The following STX3 variants were observed in gnomAD, a reference collection of about 807,000 sequenced individuals.
The protein encoded by STX3 is syntaxin 3, also known as syntaxin-3.
A neutral mutation model predicts 40.2 loss-of-function variants in STX3; 19 were observed. The observed-to-expected ratio is 0.47, with a 90% CI of 0.33 to 0.69. The LOEUF is 0.69. Ranked by LOEUF, STX3 falls within the 30% of genes least tolerant of loss-of-function variation. The probability of loss-of-function intolerance (pLI) is 0.02; values close to 1 mark genes in which losing one functional copy is unlikely to be tolerated. For missense variants in STX3, 364 were observed against 366.7 expected, an observed-to-expected ratio of 0.99 and a Z score of 0.06; for synonymous variants, 122 against 132.2, an observed-to-expected ratio of 0.92 and a Z score of 0.53.
At chr11:59,759,894 C>T (rs774410984) in intron 1 of STX3, among the ~76,000 whole-genome samples, 3 of 152,166 alleles carry the variant, frequency 2.0e-5, no homozygotes, top group Non-Finnish European at 4.4e-5. Flanking sequence ...TTTATCGAGC[C>T]GCTTTTATGT....
chr11:59,757,667 C>T (rs1042557394), intron 1 of STX3, among the ~76,000 whole-genome samples: 4 of 152,160 alleles, frequency 2.6e-5, no homozygotes, highest in Non-Finnish European at 5.9e-5. Flanking sequence ...TCTGTAGCGT[C>T]TTGGAGCAGA....
chr11:59,800,663 T>TC, intron 10 of STX3, 192 bp from the exon 11 acceptor site: 1 of 985,400 alleles, frequency 1.0e-6, no homozygotes, highest in Non-Finnish European at 1.2e-6. Context: ...TCTATTTTTT[T>TC]CCCCTCTCAC....
At chr11:59,800,115 T>C (rs1363859773) in intron 10 of STX3, 6 of 985,340 alleles carry the variant, frequency 6.1e-6, no homozygotes, top group South Asian at 4.7e-5. Flanking sequence ...ACTAACCCTA[T>C]CTTTAACCTG....
intron 1 of STX3, among the ~76,000 whole-genome samples, chr11:59,765,911 T>C: frequency 6.6e-6 from 1 of 152,208 alleles, no homozygotes. Flanking sequence ...CATCTGTGTC[T>C]CCAGAGAAAT....
At chr11:59,759,694 C>G (rs1228305370) in intron 1 of STX3, among the ~76,000 whole-genome samples, 1 of 152,158 alleles carries the variant, frequency 6.6e-6, no homozygotes, top group Non-Finnish European at 1.5e-5. Flanking sequence ...CCACCTGGGG[C>G]TCTAAAGGCC....
At position 59,755,591 on chromosome 11, in the gene STX3, C is replaced by A. The variant is rs1448920151; in HGVS notation, c.-15C>A. On this transcript the variant is annotated 5_prime_UTR_variant, in exon 1 of 11. Coordinates refer to ENST00000337979, the MANE Select transcript of STX3 (RefSeq NM_004177.5). The stretch of plus-strand genomic sequence containing the variant: ...CTGGGACGCGCTACCTGCCTCCGGG[C>A]GCCTGGGCTTCAGGATGAAGGACCG... 6.3e-7 allele frequency: 1 copy of A among 1,593,194 alleles called. No homozygotes were observed. The highest frequency in any genetic ancestry group is 8.5e-7 in the Non-Finnish European group (1 of 1,176,236).
chr11:59,755,377 G>C lies in STX3; in HGVS notation c.-229G>C, dbSNP rs530938429. On this transcript the variant is annotated 5_prime_UTR_variant, in exon 1 of 11. Transcript: ENST00000337979. Reference sequence around the variant, plus strand: ...TGCGCCGGCGCCGGCCCGGGAGCCGGATTTGGAGCGCGAGGCGCCGGTGGG... The same window carrying C: ...TGCGCCGGCGCCGGCCCGGGAGCCGCATTTGGAGCGCGAGGCGCCGGTGGG... The C allele has an allele frequency of 4.7e-5, 17 of 357,922 alleles. No homozygotes were observed. Among genetic ancestry groups the C allele is most frequent in the African/African-American group, 3.6e-4 (17 of 46,580 alleles). The allele number at this position is 357,922 out of a possible 1,614,324, so 22.2% of individuals were successfully genotyped here.
At chr11:59,781,637 C>T in intron 2 of STX3, 2 of 1,613,262 alleles carry the variant, frequency 1.2e-6, no homozygotes, top group Non-Finnish European at 8.5e-7. Context: ...AAGCTATTCC[C>T]ACTCCTAGCT....
intron 1 of STX3, 83 bp from the exon 2 acceptor site, chr11:59,773,128 G>C (rs886677942): frequency 3.0e-6 from 4 of 1,324,826 alleles, no homozygotes; most frequent in Non-Finnish European, 4.3e-6. Flanking sequence ...GCTGAATATA[G>C]TTCCTAGTAC....
chr11:59,778,535 TAAAA>T (rs563235698), intron 2 of STX3, among the ~76,000 whole-genome samples: 24 of 152,262 alleles, frequency 1.6e-4, no homozygotes, highest in Non-Finnish European at 1.8e-4. Flanking sequence ...AGATTTCTGT[TAAAA>T]AGAAAGAGAG....
chr11:59,787,128 C>T lies in STX3; in HGVS notation c.206C>T (p.Pro69Leu), dbSNP rs1490400396. ...LYSIILSAPI[P>L]EPKTKDDLEQ... ...AGTATCATTCTCTCTGCACCGATTC[C>T]AGAGCCAAGTGAGTGTTTACTTAGA... The change falls in exon 3 of 11, where the codon CCA becomes CTA. Residue 69 changes from proline to leucine, a missense_variant. Transcript: ENST00000337979. 1 of 1,613,988 alleles carries T rather than the reference C, an allele frequency of 6.2e-7. No homozygotes were observed. The highest frequency in any genetic ancestry group is 8.5e-7 in the Non-Finnish European group (1 of 1,179,890).
Position 59,755,639 on chromosome 11 carries a change from A to T in STX3, c.30+4A>T. 1.3e-6 allele frequency: 2 copies of T among 1,592,710 alleles called. No individual in the cohort carries two copies. The highest frequency in any genetic ancestry group is 1.7e-6 in the Non-Finnish European group (2 of 1,175,496). ...CCGTCTGGAGCAGCTGAAGGCCGTG[A>T]GTTTCGCCGCAGGCGGGGTGCTGCC... On this transcript the variant is annotated splice_donor_region_variant and intron_variant, in intron 1 of 10. Transcript: ENST00000337979.
At chr11:59,769,190 G>T (rs1276505989) in intron 1 of STX3, among the ~76,000 whole-genome samples, 1 of 152,086 alleles carries the variant, frequency 6.6e-6, no homozygotes, top group Non-Finnish European at 1.5e-5. Context: ...ATGGACCGTG[G>T]TATAGAGCCC....
chr11:59,803,437 T>G lies in STX3; in HGVS notation c.*2613T>G, dbSNP rs984497255. 2.1e-6 allele frequency: 1 copy of G among 478,320 alleles called. No homozygotes were observed. Among genetic ancestry groups the G allele is most frequent in the Middle Eastern group, 5.7e-4 (1 of 1,754 alleles). 29.6% of individuals were successfully genotyped at this position (478,320 alleles called of 1,614,324 possible). On this transcript the variant is annotated 3_prime_UTR_variant, in exon 11 of 11. Transcript: ENST00000337979. ...AGAGAAAACTAAAGAAAGGGATGTT[T>G]CAGAGACAGAAAAGTGAGTGAAGAA...
At position 59,800,230 on chromosome 11, in the gene STX3, C is replaced by T. The variant is rs576675617; in HGVS notation, c.*31-625C>T. ...CCTAGGTCTGGACTCTCCTCTTCCTCCATGTCACCCAAGGGAGAGAGGTCT... is the reference window on the plus strand; with the variant it reads ...CCTAGGTCTGGACTCTCCTCTTCCTTCATGTCACCCAAGGGAGAGAGGTCT... On this transcript the variant is annotated intron_variant, in intron 10 of 10. Coordinates refer to ENST00000337979, the MANE Select transcript of STX3 (RefSeq NM_004177.5). 3.6e-5 allele frequency: 35 copies of T among 985,396 alleles called. No homozygotes were observed. In the African/African-American group the frequency reaches 5.1e-4, roughly 14 times the overall value. 61.0% of individuals were successfully genotyped at this position (985,396 alleles called of 1,614,324 possible).
At position 59,805,282 on chromosome 11, in the gene STX3, ATG is replaced by A. The variant is rs1434756010; in HGVS notation, c.*4461_*4462del. ...TTCAGCTTTAAAACCAGCTATGTGA[ATG>A]TGAGTTCTAGTGCAGATTATTTAGT... On this transcript the variant is annotated 3_prime_UTR_variant, in exon 11 of 11. Coordinates refer to ENST00000337979, the MANE Select transcript of STX3 (RefSeq NM_004177.5). 2 of 152,172 alleles carry A rather than the reference ATG, an allele frequency of 1.3e-5. No homozygotes were observed. The highest frequency in any genetic ancestry group is 2.9e-5 in the Non-Finnish European group (2 of 68,032). 9.4% of individuals were successfully genotyped at this position (152,172 alleles called of 1,614,324 possible). A position where few individuals can be genotyped will look rare whatever the true frequency, so the allele number is the denominator to read the frequency against.
intron 2 of STX3, among the ~76,000 whole-genome samples, chr11:59,782,552 A>G (rs545948561): frequency 6.6e-6 from 1 of 152,344 alleles, no homozygotes; most frequent in South Asian, 2.1e-4. Flanking sequence ...AGATGAGAGA[A>G]CTGGTGCTTA....
Position 59,802,528 on chromosome 11 carries a change from C to T in STX3, c.*1704C>T. 4 of 985,794 alleles carry T rather than the reference C, an allele frequency of 4.1e-6. No homozygotes were observed. Among genetic ancestry groups the T allele is most frequent in the Non-Finnish European group, 4.8e-6 (4 of 829,926 alleles). 61.1% of individuals were successfully genotyped at this position (985,794 alleles called of 1,614,324 possible). A position where few individuals can be genotyped will look rare whatever the true frequency, so the allele number is the denominator to read the frequency against. On this transcript the variant is annotated 3_prime_UTR_variant, in exon 11 of 11. Transcript: ENST00000337979. ...TATGATGTCAGACAGTGGATGGGCT[C>T]CAGCAACAAGAGACAAAATAACTAA... is the stretch of plus-strand genomic sequence containing the variant.
intron 2 of STX3, 47 bp from the exon 3 acceptor site, chr11:59,786,990 C>T (rs1397497606): frequency 4.6e-6 from 7 of 1,533,342 alleles, no homozygotes; most frequent in Non-Finnish European, 6.3e-6. Flanking sequence ...AGCCATGGAC[C>T]TGTACTTCCT....
Sources: gnomAD v4.1 joint callset for allele counts (sites outside exome capture counted in the v4.1 genomes callset) on GRCh38, gnomAD v4.1.1 for gene constraint, MANE v1.5 for transcripts, NCBI Gene and HGNC (gene_info 2026-07-23, HGNC 2026-07-21) for gene names.